Variants in PCDHGA6 observed in about 807,000 individuals in gnomAD.
The protein encoded by PCDHGA6 is protocadherin gamma-A6.
Under a neutral mutation model 60.6 loss-of-function variants are expected in PCDHGA6, and 41 were observed. That is an observed-to-expected ratio of 0.68 (90% CI 0.53 to 0.88). PCDHGA6 has a LOEUF of 0.88. PCDHGA6 is among the 40% of genes least tolerant of loss of function. The pLI is 0.00. For missense variants in PCDHGA6, 1,312 were observed against 1,203.0 expected, an observed-to-expected ratio of 1.09 and a Z score of -1.34; for synonymous variants, 594 against 524.4, an observed-to-expected ratio of 1.13 and a Z score of -1.81.
intron 1 of PCDHGA6, among the ~76,000 whole-genome samples, chr5:141,454,796 A>ATTTTTTTTTTTTTTTTTTTTTTTTTTT (rs61612330): frequency 3.9e-5 from 3 of 77,408 alleles, no homozygotes; most frequent in Admixed American, 1.8e-4. Flanking sequence ...CATGGTTCTA[A>ATTTTTTTTTTTTTTTTTTTTTTTTTTT]TTTTTTTTTT....
intron 1 of PCDHGA6, among the ~76,000 whole-genome samples, chr5:141,449,560 GC>G (rs1487612909): frequency 6.9e-6 from 1 of 145,056 alleles, no homozygotes; most frequent in Non-Finnish European, 1.5e-5. Flanking sequence ...CTGCACTCCA[GC>G]CTGGGCGACA....
intron 1 of PCDHGA6, chr5:141,427,447 T>A (rs556527924): frequency 1.9e-4 from 92 of 483,324 alleles, no homozygotes; most frequent in African/African-American, 1.4e-3. Context: ...AACGAAAGAG[T>A]TCCTTTTAGA....
chr5:141,402,233 AT>A (rs1490030425), intron 1 of PCDHGA6, among the ~76,000 whole-genome samples: 1 of 152,070 alleles, frequency 6.6e-6, no homozygotes, highest in Non-Finnish European at 1.5e-5. Flanking sequence ...TTTTCCAGGA[AT>A]TTTATCATCA....
intron 1 of PCDHGA6, chr5:141,388,783 C>A: frequency 3.1e-6 from 5 of 1,613,818 alleles, no homozygotes; most frequent in South Asian, 1.1e-5. Context: ...GGGGAAATTA[C>A]TGTTTTAAAT....
intron 1 of PCDHGA6, among the ~76,000 whole-genome samples, chr5:141,397,436 G>GT (rs1255719276): frequency 6.6e-6 from 1 of 152,172 alleles, no homozygotes; most frequent in Non-Finnish European, 1.5e-5. Flanking sequence ...TCCCTAATAT[G>GT]TGTAATATAA....
chr5:141,394,395 C>G (rs1238779909), intron 1 of PCDHGA6: 2 of 1,614,146 alleles, frequency 1.2e-6, no homozygotes, highest in Non-Finnish European at 1.7e-6. Context: ...GATCCGAGAC[C>G]TGCAGCTACT....
At chr5:141,406,957 G>A (rs184355186) in intron 1 of PCDHGA6, among the ~76,000 whole-genome samples, 69 of 152,242 alleles carry the variant, frequency 4.5e-4, no homozygotes, top group African/African-American at 1.6e-3. Context: ...ACATAGTGTT[G>A]TTTCAAATAG....
At chr5:141,391,264 G>A (rs1427432631) in intron 1 of PCDHGA6, 1 of 151,768 alleles carries the variant, frequency 6.6e-6, no homozygotes, top group Non-Finnish European at 1.5e-5. Context: ...TCAGTTAATG[G>A]CCACTTTACA....
chr5:141,482,472 CTG>C (rs2099561247), intron 1 of PCDHGA6, among the ~76,000 whole-genome samples: 2 of 136,856 alleles, frequency 1.5e-5, no homozygotes, highest in Non-Finnish European at 3.0e-5. Context: ...GTGCCAGACA[CTG>C]TAAACAATTA....
At chr5:141,395,347 C>T in intron 1 of PCDHGA6, 1 of 1,392,780 alleles carries the variant, frequency 7.2e-7, no homozygotes, top group Non-Finnish European at 9.5e-7. Flanking sequence ...TAAGGTGTAT[C>T]ACAGAGTTTT....
chr5:141,413,043 C>A, intron 1 of PCDHGA6: 1 of 864,340 alleles, frequency 1.2e-6, no homozygotes, highest in Non-Finnish European at 1.7e-6. Flanking sequence ...TGCTGGGCTG[C>A]AGGGAAGCTC....
In PCDHGA6 at chr5:141,487,460, G is replaced by T; in HGVS notation, c.2425-7347G>T. ...AGGGTCAGATGACCCTATCAAGTTT[G>T]TTGATGTGGGAGGCCACTCTCATGG... On this transcript the variant is annotated intron_variant, in intron 1 of 3. Transcript: ENST00000517434. The surrounding 1 kb of genome is among the most constrained non-coding windows in gnomAD (Gnocchi z 5.0). 1 of 1,614,170 alleles carries T rather than the reference G, an allele frequency of 6.2e-7. No individual in the cohort carries two copies. Among genetic ancestry groups the T allele is most frequent in the Non-Finnish European group, 8.5e-7 (1 of 1,180,024 alleles).
intron 3 of PCDHGA6, chr5:141,507,335 T>A (rs1228652205): frequency 6.6e-6 from 1 of 151,804 alleles, no homozygotes; most frequent in Non-Finnish European, 1.5e-5. Context: ...TGCTCATTGT[T>A]TACCTGAAAT....
intron 2 of PCDHGA6, among the ~76,000 whole-genome samples, chr5:141,498,815 C>T (rs1595543994): frequency 6.6e-6 from 1 of 152,032 alleles, no homozygotes. Flanking sequence ...CACCTGTAGT[C>T]CCAGCTACTC....
intron 1 of PCDHGA6, chr5:141,393,531 C>G (rs997965420): frequency 6.2e-7 from 1 of 1,614,008 alleles, no homozygotes; most frequent in Non-Finnish European, 8.5e-7. Context: ...TGACAATGCC[C>G]CGGTTTTTCC....
chr5:141,419,769 C>G (rs773303779), intron 1 of PCDHGA6: 3 of 1,613,888 alleles, frequency 1.9e-6, no homozygotes, highest in Non-Finnish European at 2.5e-6. Context: ...GACAAGGACT[C>G]GGTCCGCCAG....
chr5:141,388,729 G>T (rs1407038729), intron 1 of PCDHGA6: 10 of 1,614,012 alleles, frequency 6.2e-6, no homozygotes, highest in Non-Finnish European at 8.5e-6. Context: ...TTCTCTTTCA[G>T]TGAAGCTAGC....
intron 1 of PCDHGA6, among the ~76,000 whole-genome samples, chr5:141,469,808 A>C (rs1253675252): frequency 2.0e-5 from 3 of 152,174 alleles, no homozygotes; most frequent in Admixed American, 6.5e-5. Flanking sequence ...AAAACATTGT[A>C]GATAGAATGG....
Position 141,477,310 on chromosome 5 carries a change from C to T in PCDHGA6, c.2425-17497C>T. On this transcript the variant is annotated intron_variant, in intron 1 of 3. Coordinates refer to ENST00000517434, the MANE Select transcript of PCDHGA6 (RefSeq NM_018919.3). This position sits in a 1 kb window ranked among gnomAD's most constrained non-coding sequence, Gnocchi z 4.9. ...AAGTTCCACCGGGTCTCCCTTTCAGCCTTACTTCTTCCCTCAAGAATTACT... is the reference window on the plus strand; with the variant it reads ...AAGTTCCACCGGGTCTCCCTTTCAGTCTTACTTCTTCCCTCAAGAATTACT... The T allele has an allele frequency of 6.2e-7, 1 of 1,614,154 alleles. No homozygotes were observed. Among genetic ancestry groups the T allele is most frequent in the Non-Finnish European group, 8.5e-7 (1 of 1,180,018 alleles).
Sources: gnomAD v4.1 joint callset for allele counts (sites outside exome capture counted in the v4.1 genomes callset) on GRCh38, gnomAD v4.1.1 for gene constraint, Gnocchi (gnomAD v3.1) non-coding constraint, MANE v1.5 for transcripts, NCBI Gene and HGNC (gene_info 2026-07-23, HGNC 2026-07-21) for gene names.